The following LRMDA variants were observed in gnomAD, a reference collection of about 807,000 sequenced individuals.
LRMDA encodes the protein leucine rich melanocyte differentiation associated.
In LRMDA, 18 loss-of-function variants were observed where a neutral mutation model predicts 29.8. That is an observed-to-expected ratio of 0.60 (90% CI 0.42 to 0.90). LRMDA has a LOEUF of 0.90. LRMDA is among the 40% of genes least tolerant of loss of function. LRMDA has a pLI of 0.00. For synonymous variants in LRMDA, 125 were observed against 109.4 expected (o/e 1.14, Z -0.89); for missense variants, 273 against 273.9 (o/e 1.00, Z 0.02).
At chr10:76,106,275 G>T (rs1269090753) in intron 5 of LRMDA, among the ~76,000 whole-genome samples, 2 of 152,174 alleles carry the variant, frequency 1.3e-5, no homozygotes, top group Non-Finnish European at 2.9e-5. Flanking sequence ...TTGGGGTATG[G>T]TATGGTCCAT....
intron 6 of LRMDA, among the ~76,000 whole-genome samples, chr10:76,522,086 A>T (rs531119102): frequency 2.0e-5 from 3 of 152,264 alleles, no homozygotes; most frequent in African/African-American, 7.2e-5. Context: ...CCCAAACCTC[A>T]CTTGTAGGGG....
At chr10:76,435,491 C>G (rs1369132847) in intron 6 of LRMDA, among the ~76,000 whole-genome samples, 1 of 152,174 alleles carries the variant, frequency 6.6e-6, no homozygotes. Flanking sequence ...ACCCATGACT[C>G]TGAATCAAGA....
chr10:76,377,527 C>T (rs1017340554), intron 6 of LRMDA, among the ~76,000 whole-genome samples: 1 of 152,118 alleles, frequency 6.6e-6, no homozygotes, highest in African/African-American at 2.4e-5. Context: ...AGTTTGAGGT[C>T]TTTATTCCAT....
intron 2 of LRMDA, among the ~76,000 whole-genome samples, chr10:75,615,888 A>G (rs1482797949): frequency 6.6e-6 from 1 of 152,224 alleles, no homozygotes; most frequent in African/African-American, 2.4e-5. Context: ...TTTAGGCAGT[A>G]TACTGAATGG....
chr10:76,322,956 G>C (rs1259204457), intron 5 of LRMDA, among the ~76,000 whole-genome samples: 1 of 152,036 alleles, frequency 6.6e-6, no homozygotes, highest in African/African-American at 2.4e-5. Flanking sequence ...AGAGACACTT[G>C]GTGACTGTAG....
intron 2 of LRMDA, among the ~76,000 whole-genome samples, chr10:75,910,863 C>A (rs752881991): frequency 2.6e-5 from 4 of 152,188 alleles, no homozygotes; most frequent in Non-Finnish European, 2.9e-5. Flanking sequence ...AACTCATATG[C>A]TTTCCATGGG....
chr10:75,607,204 A>G (rs1840966962), intron 2 of LRMDA, among the ~76,000 whole-genome samples: 1 of 152,272 alleles, frequency 6.6e-6, no homozygotes, highest in South Asian at 2.1e-4. Context: ...AAGACATTTC[A>G]GAACAGTCCT....
chr10:76,330,169 T>C (rs915621638), intron 6 of LRMDA, among the ~76,000 whole-genome samples: 3 of 152,232 alleles, frequency 2.0e-5, no homozygotes, highest in Non-Finnish European at 4.4e-5. Context: ...AATGATGCGA[T>C]ACTTTTCCTC....
At chr10:76,272,454 G>A (rs924639987) in intron 5 of LRMDA, among the ~76,000 whole-genome samples, 8 of 152,106 alleles carry the variant, frequency 5.3e-5, no homozygotes, top group Non-Finnish European at 7.4e-5. Context: ...GTTTTTATAC[G>A]TACCATGAAT....
chr10:76,373,253 C>T (rs781460980), intron 6 of LRMDA, among the ~76,000 whole-genome samples: 4 of 152,028 alleles, frequency 2.6e-5, no homozygotes, highest in African/African-American at 4.8e-5. Flanking sequence ...TTAATTCCTT[C>T]TTAGTAGAAA....
At chr10:76,529,213 A>G (rs1843209096) in intron 6 of LRMDA, among the ~76,000 whole-genome samples, 1 of 152,094 alleles carries the variant, frequency 6.6e-6, no homozygotes, top group African/African-American at 2.4e-5. Context: ...AAATAGGCAT[A>G]TTGAAAATTC....
At chr10:75,670,818 G>A (rs543965355) in intron 2 of LRMDA, among the ~76,000 whole-genome samples, 3 of 152,160 alleles carry the variant, frequency 2.0e-5, no homozygotes, top group African/African-American at 7.2e-5. Context: ...TGGGCCTTCT[G>A]AGGGGTGGAG....
chr10:76,027,981 A>C (rs1564633575), intron 2 of LRMDA, among the ~76,000 whole-genome samples: 2 of 152,222 alleles, frequency 1.3e-5, no homozygotes, highest in African/African-American at 4.8e-5. Context: ...TAAATGCTAT[A>C]GTGAACATAC....
intron 2 of LRMDA, among the ~76,000 whole-genome samples, chr10:75,677,042 C>G (rs1841968278): frequency 6.6e-6 from 1 of 152,112 alleles, no homozygotes; most frequent in Admixed American, 6.6e-5. Context: ...TTAATTTTCT[C>G]AGATTTATGA....
chr10:75,737,213 C>T (rs1332966210), intron 2 of LRMDA, among the ~76,000 whole-genome samples: 3 of 152,198 alleles, frequency 2.0e-5, no homozygotes, highest in African/African-American at 7.2e-5. Flanking sequence ...AGTCCTGAGG[C>T]GATAAGCTCT....
In LRMDA at chr10:75,723,458, T is replaced by G. The variant is rs7922555; in HGVS notation, c.131+284964T>G. 1.6e-4 allele frequency among the ~76,000 whole-genome samples: 24 copies of G among 152,338 alleles called. No individual in the cohort carries two copies. In the South Asian group the frequency reaches 4.3e-3, roughly 28 times the overall value. On this transcript the variant is annotated intron_variant, in intron 2 of 6. Coordinates refer to ENST00000611255, the MANE Select transcript of LRMDA (RefSeq NM_001305581.2). ...ATCGTGATCCCACACAAACATTATG[T>G]ATTGTCACAGTCCCAAACACTATTC...
At chr10:76,123,686 A>G (rs761163028) in intron 5 of LRMDA, among the ~76,000 whole-genome samples, 7 of 152,200 alleles carry the variant, frequency 4.6e-5, no homozygotes, top group Non-Finnish European at 4.4e-5. Flanking sequence ...GAATATATAT[A>G]ATCTGTGAAG....
intron 2 of LRMDA, among the ~76,000 whole-genome samples, chr10:75,563,777 G>C (rs977961723): frequency 6.6e-6 from 1 of 152,128 alleles, no homozygotes; most frequent in African/African-American, 2.4e-5. Context: ...AGGTCTGTTG[G>C]AGTTTGCTAG....
intron 2 of LRMDA, among the ~76,000 whole-genome samples, chr10:75,811,482 C>T (rs564694051): frequency 1.3e-5 from 2 of 152,310 alleles, no homozygotes; most frequent in African/African-American, 4.8e-5. Context: ...GGGCACATTA[C>T]TAAATCTTGC....
Sources: allele counts gnomAD v4.1 joint callset (sites outside exome capture counted in the v4.1 genomes callset), GRCh38; gene constraint gnomAD v4.1.1; transcripts MANE v1.5; gene names NCBI Gene and HGNC (gene_info 2026-07-23, HGNC 2026-07-21).